Variants in MCPH1 observed in about 807,000 individuals in gnomAD.
The protein encoded by MCPH1 is microcephalin.
Under a neutral mutation model 84.5 loss-of-function variants are expected in MCPH1, and 104 were observed. The ratio of observed to expected loss-of-function variants is 1.23; its 90% CI spans 1.05 to 1.45. The LOEUF is 1.45. MCPH1 is among the 40% of genes most tolerant of loss of function. MCPH1 has a pLI of 0.00. For missense variants in MCPH1, 1,498 were observed against 1,005.7 expected (o/e 1.49, Z -6.62); for synonymous variants, 514 against 366.8 (o/e 1.40, Z -4.58).
At chr8:6,482,435 G>A (rs1042330638) in intron 11 of MCPH1, among the ~76,000 whole-genome samples, 1 of 152,228 alleles carries the variant, frequency 6.6e-6, no homozygotes, top group African/African-American at 2.4e-5. Flanking sequence ...GTGGACTACT[G>A]TCTCTTTAAT....
intron 13 of MCPH1, chr8:6,625,145 G>T: frequency 3.1e-6 from 3 of 977,020 alleles, no homozygotes; most frequent in African/African-American, 3.5e-5. Flanking sequence ...AAAGTGCTGG[G>T]ATTACAGGCG....
chr8:6,627,610 G>T (rs892211339), intron 13 of MCPH1, among the ~76,000 whole-genome samples: 67 of 152,326 alleles, frequency 4.4e-4, no homozygotes, highest in African/African-American at 1.5e-3. Context: ...ATATATCTCA[G>T]CCAGGTGCGG....
chr8:6,594,673 TCTCCTGCAGGGGA>T, intron 12 of MCPH1, among the ~76,000 whole-genome samples: 1 of 138,232 alleles, frequency 7.2e-6, no homozygotes, highest in South Asian at 2.2e-4. Flanking sequence ...ACTTCAGTGT[TCTCCTGCAGGGGA>T]CTGCAGGGGA....
At chr8:6,514,390 A>G (rs887203856) in intron 12 of MCPH1, among the ~76,000 whole-genome samples, 2 of 152,074 alleles carry the variant, frequency 1.3e-5, no homozygotes. Flanking sequence ...GAGTTTTGTT[A>G]TGTTGGCCAA....
rs927227185 is a variant in MCPH1, at chr8:6,480,910, C to A, written c.2136+34C>A. 9.9e-6 allele frequency: 16 copies of A among 1,610,436 alleles called. No individual in the cohort carries two copies. The African/African-American group carries it at 1.9e-4, about 19-fold the overall frequency. ...TGTGTGTGAACTGCGTATTTTAAAA[C>A]AAGGCATTTTGATAGAGTGGGTCAC... On this transcript the variant is annotated intron_variant, in intron 11 of 13. Coordinates refer to ENST00000344683, the MANE Select transcript of MCPH1 (RefSeq NM_024596.5).
intron 12 of MCPH1, among the ~76,000 whole-genome samples, chr8:6,619,401 C>T (rs1041420330): frequency 1.3e-5 from 2 of 152,174 alleles, no homozygotes; most frequent in African/African-American, 4.8e-5. Context: ...AGCGATTCTC[C>T]TGCCTCAGCC....
intron 12 of MCPH1, among the ~76,000 whole-genome samples, chr8:6,529,918 A>C (rs751363964): frequency 1.3e-5 from 2 of 151,802 alleles, no homozygotes; most frequent in Non-Finnish European, 2.9e-5. Context: ...ACACAAGTAC[A>C]TCAAATGCTA....
intron 3 of MCPH1, among the ~76,000 whole-genome samples, chr8:6,419,092 C>T (rs950920513): frequency 3.3e-5 from 5 of 149,784 alleles, no homozygotes; most frequent in Non-Finnish European, 5.9e-5. Flanking sequence ...TTATTTCAGT[C>T]AACTTGACTT....
intron 12 of MCPH1, among the ~76,000 whole-genome samples, chr8:6,568,281 TGAATGTG>T (rs1267997002): frequency 2.0e-5 from 3 of 151,906 alleles, no homozygotes; most frequent in African/African-American, 7.3e-5. Context: ...CATCGCTAGC[TGAATGTG>T]GAATGTGGAC....
chr8:6,615,931 G>A (rs1425595359), intron 12 of MCPH1: 1 of 152,142 alleles, frequency 6.6e-6, no homozygotes, highest in African/African-American at 2.4e-5. Flanking sequence ...GCTGCATTGT[G>A]GATTCTGAAA....
chr8:6,592,480 A>G (rs938936663), intron 12 of MCPH1, among the ~76,000 whole-genome samples: 1 of 152,062 alleles, frequency 6.6e-6, no homozygotes, highest in Non-Finnish European at 1.5e-5. Flanking sequence ...TATATATTTC[A>G]CAGAATATTA....
Position 6,440,777 on chromosome 8 carries a change from G to A in MCPH1, c.581-1290G>A, listed in dbSNP as rs893331130. On this transcript the variant is annotated intron_variant, in intron 6 of 13. Transcript: ENST00000344683. ...TTTTAATGTGATCAACTATTACCTC[G>A]CTTAATTTTATGTCCTTTGTCCATA... Among the ~76,000 whole-genome samples the A allele has an allele frequency of 4.6e-5, 7 of 152,220 alleles. No individual in the cohort carries two copies. The East Asian group carries it at 1.4e-3, about 29-fold the overall frequency.
At chr8:6,602,505 G>A (rs571862243) in intron 12 of MCPH1, among the ~76,000 whole-genome samples, 258 of 152,242 alleles carry the variant, frequency 1.7e-3, no homozygotes, top group Middle Eastern at 6.8e-3. Context: ...AGGAATGGAT[G>A]GAAGGGAGGG....
chr8:6,597,533 C>T (rs1829023259), intron 12 of MCPH1, among the ~76,000 whole-genome samples: 1 of 152,136 alleles, frequency 6.6e-6, no homozygotes. Context: ...GAACCCGGAG[C>T]CCTCTCCCAG....
intron 9 of MCPH1, among the ~76,000 whole-genome samples, chr8:6,458,206 C>A (rs1419703406): frequency 6.6e-6 from 1 of 152,142 alleles, no homozygotes; most frequent in Non-Finnish European, 1.5e-5. Context: ...GGTGCGGTGG[C>A]TCACACCTGT....
At chr8:6,417,377 A>G (rs1257649515) in intron 3 of MCPH1, among the ~76,000 whole-genome samples, 1 of 139,848 alleles carries the variant, frequency 7.2e-6, no homozygotes. Context: ...TAAGTAAACA[A>G]ATGCTTGTGT....
At chr8:6,514,826 C>T (rs563843806) in intron 12 of MCPH1, 1 of 1,521,904 alleles carries the variant, frequency 6.6e-7, no homozygotes, top group South Asian at 1.1e-5. Flanking sequence ...CCCCACTCCC[C>T]CCTTACGTAG....
intron 13 of MCPH1, 103 bp from the exon 14 acceptor site, chr8:6,642,891 C>T: frequency 9.3e-7 from 1 of 1,073,824 alleles, no homozygotes; most frequent in Non-Finnish European, 1.4e-6. Flanking sequence ...CAGCTCTTGG[C>T]TATTTGTTTT....
At chr8:6,611,396 C>T (rs981418478) in intron 12 of MCPH1, among the ~76,000 whole-genome samples, 1 of 152,196 alleles carries the variant, frequency 6.6e-6, no homozygotes, top group African/African-American at 2.4e-5. Flanking sequence ...GGATTTGTAA[C>T]TTGCTGCAGC....
Sources: gnomAD v4.1 joint callset for allele counts (sites outside exome capture counted in the v4.1 genomes callset) on GRCh38, gnomAD v4.1.1 for gene constraint, MANE v1.5 for transcripts, NCBI Gene and HGNC (gene_info 2026-07-23, HGNC 2026-07-21) for gene names.